Variants in PPARG observed in about 807,000 individuals in gnomAD.
The protein encoded by PPARG is peroxisome proliferator-activated receptor gamma.
A neutral mutation model predicts 39.2 loss-of-function variants in PPARG; 17 were observed. That is an observed-to-expected ratio of 0.43 (90% CI 0.30 to 0.65). PPARG has a LOEUF of 0.65. Ranked by LOEUF, PPARG falls within the 30% of genes least tolerant of loss-of-function variation. The probability of loss-of-function intolerance (pLI) is 0.13; values close to 1 mark genes in which losing one functional copy is unlikely to be tolerated. For missense variants in PPARG, 406 were observed against 585.9 expected (o/e 0.69, Z 3.17); for synonymous variants, 223 against 215.7 (o/e 1.03, Z -0.30).
intron 1 of PPARG, among the ~76,000 whole-genome samples, chr3:12,308,087 G>A (rs987135075): frequency 2.6e-5 from 4 of 152,060 alleles, no homozygotes; most frequent in South Asian, 2.1e-4. Context: ...ATAGGAGGCC[G>A]TGCACAGTGA....
chr3:12,388,561 A>C (rs1473782630), intron 4 of PPARG, among the ~76,000 whole-genome samples: 2 of 152,220 alleles, frequency 1.3e-5, no homozygotes, highest in Non-Finnish European at 2.9e-5. Context: ...TGGCTACTGA[A>C]TTCCTAATTC....
At chr3:12,355,277 A>G (rs921524705) in intron 2 of PPARG, among the ~76,000 whole-genome samples, 1 of 152,052 alleles carries the variant, frequency 6.6e-6, no homozygotes, top group Admixed American at 6.6e-5. Flanking sequence ...CTGGGACTAC[A>G]GGCGTACCTT....
rs746616834 is a variant in PPARG at position 12,381,410 on chromosome 3, C to T, written c.309C>T (p.Ser103=). Residue 103 remains serine (S), a synonymous_variant, in exon 4 of 8, where the codon TCC becomes TCT. Transcript: ENST00000651735. ...AGCCTCATGAAGAGCCTTCCAACTC[C>T]CTCATGGCAATTGAATGTCGTGTCT... The part of the protein sequence containing the change: ...YNKPHEEPSN[S]LMAIECRVCG... The T allele has an allele frequency of 6.2e-7, 1 of 1,613,482 alleles. No homozygotes were observed. The highest frequency in any genetic ancestry group is 8.5e-7 in the Non-Finnish European group (1 of 1,179,764).
At chr3:12,370,517 T>C (rs2049173372) in intron 2 of PPARG, among the ~76,000 whole-genome samples, 1 of 152,204 alleles carries the variant, frequency 6.6e-6, no homozygotes, top group Non-Finnish European at 1.5e-5. Flanking sequence ...ATGCAGAGGA[T>C]GATAACTATA....
chr3:12,370,081 A>G (rs2049154861), intron 2 of PPARG, among the ~76,000 whole-genome samples: 1 of 152,094 alleles, frequency 6.6e-6, no homozygotes, highest in Non-Finnish European at 1.5e-5. Flanking sequence ...TCTGGGAAAG[A>G]GTACGTGGGA....
chr3:12,377,227 C>T (rs1263280502), intron 2 of PPARG, among the ~76,000 whole-genome samples: 2 of 152,120 alleles, frequency 1.3e-5, no homozygotes, highest in Non-Finnish European at 2.9e-5. Context: ...ACTTGCTATT[C>T]TGTGGCCTTA....
chr3:12,335,740 C>T (rs1440880173), intron 2 of PPARG, among the ~76,000 whole-genome samples: 1 of 152,142 alleles, frequency 6.6e-6, no homozygotes, highest in African/African-American at 2.4e-5. Flanking sequence ...AAAGAAAATT[C>T]ACCCCACCAC....
chr3:12,306,666 T>G (rs1188924046), intron 1 of PPARG, among the ~76,000 whole-genome samples: 2 of 152,228 alleles, frequency 1.3e-5, no homozygotes, highest in Non-Finnish European at 2.9e-5. Context: ...ATTTAAACTT[T>G]TAGTTGTGTT....
chr3:12,396,107 T>C (rs1575110358), intron 5 of PPARG, among the ~76,000 whole-genome samples: 1 of 152,260 alleles, frequency 6.6e-6, no homozygotes, highest in Admixed American at 6.5e-5. Context: ...TTTAAAAATA[T>C]GTCTTCTTTA....
rs191673017 is a variant in PPARG, at chr3:12,382,245, G to A, written c.390+754G>A. On this transcript the variant is annotated intron_variant, in intron 4 of 7. Transcript: ENST00000651735. Reference sequence around the variant, plus strand: ...GGAGGTATAACAGTGTGGGAAAGGAGATACTATTTATCCTCATCTCTTTCC... The same window carrying A: ...GGAGGTATAACAGTGTGGGAAAGGAAATACTATTTATCCTCATCTCTTTCC... Among the ~76,000 whole-genome samples, 8 of 152,218 alleles carry A rather than the reference G, an allele frequency of 5.3e-5. No individual in the cohort carries two copies. The East Asian group carries it at 1.5e-3, about 29-fold the overall frequency.
At chr3:12,412,027 A>T (rs899950342) in intron 6 of PPARG, among the ~76,000 whole-genome samples, 3 of 152,208 alleles carry the variant, frequency 2.0e-5, no homozygotes, top group Admixed American at 6.5e-5. Flanking sequence ...GGGTTACCTC[A>T]AGTGATTGTT....
rs987938646 is a variant in PPARG, at chr3:12,419,248, G to A, written c.1180+2094G>A. ...GCATGAGCCACCATGCCCGGCCGAC[G>A]TTATGTTTAATAGAACAAAAATATA... is the stretch of plus-strand genomic sequence containing the variant. On this transcript the variant is annotated intron_variant, in intron 7 of 7. Coordinates refer to ENST00000651735, the MANE Select transcript of PPARG (RefSeq NM_138711.6). Among the ~76,000 whole-genome samples the A allele has an allele frequency of 3.3e-5, 5 of 151,848 alleles. No individual in the cohort carries two copies. The East Asian group carries it at 5.8e-4, about 18-fold the overall frequency.
intron 2 of PPARG, among the ~76,000 whole-genome samples, chr3:12,318,029 A>C (rs1288960413): frequency 1.3e-5 from 2 of 152,140 alleles, no homozygotes; most frequent in African/African-American, 2.4e-5. Flanking sequence ...GCTGGAGTGC[A>C]GTGGTGCAAT....
intron 2 of PPARG, among the ~76,000 whole-genome samples, chr3:12,367,079 C>A (rs1318230327): frequency 6.6e-6 from 1 of 152,024 alleles, no homozygotes; most frequent in African/African-American, 2.4e-5. Flanking sequence ...TAAATGTAGG[C>A]CTATTCCATT....
intron 2 of PPARG, among the ~76,000 whole-genome samples, chr3:12,344,295 T>C (rs1443158061): frequency 6.6e-6 from 1 of 152,194 alleles, no homozygotes; most frequent in African/African-American, 2.4e-5. Flanking sequence ...TCAAGTCTTC[T>C]TACTTTTACT....
At chr3:12,397,689 C>T (rs1486903379) in intron 5 of PPARG, among the ~76,000 whole-genome samples, 1 of 152,134 alleles carries the variant, frequency 6.6e-6, no homozygotes, top group African/African-American at 2.4e-5. Context: ...GGATTACAGG[C>T]GTGAGCCACC....
In PPARG at chr3:12,416,972, A is replaced by G. The variant is rs377025335; in HGVS notation, c.998A>G (p.Asn333Ser). ...TACACAATGCTGGCCTCCTTGATGA[A>G]TAAAGATGGGGTTCTCATATCCGAG... ...IIYTMLASLM[N>S]KDGVLISEGQ... Residue 333 changes from asparagine (N) to serine (S), a missense_variant, in exon 7 of 8, where the codon AAT becomes AGT. Asn to Ser is a conservative substitution (Grantham distance 46, BLOSUM62 1). Around this residue, in one of 2 missense-constraint regions of PPARG, gnomAD observed 275 missense variants for 458.0 expected, o/e 0.60. Coordinates refer to ENST00000651735, the MANE Select transcript of PPARG (RefSeq NM_138711.6). 1 of 1,613,998 alleles carries G rather than the reference A, an allele frequency of 6.2e-7. No individual in the cohort carries two copies. Among genetic ancestry groups the G allele is most frequent in the Non-Finnish European group, 8.5e-7 (1 of 1,180,020 alleles).
chr3:12,394,688 GA>G (rs1379592474), intron 5 of PPARG, among the ~76,000 whole-genome samples: 1 of 152,172 alleles, frequency 6.6e-6, no homozygotes, highest in Non-Finnish European at 1.5e-5. Flanking sequence ...GTTTTTATGG[GA>G]GTTTGTTTGC....
Position 12,417,094 on chromosome 3 carries a change from G to A in PPARG, c.1120G>A (p.Ala374Thr), listed in dbSNP as rs773968047. ...PKFEFAVKFN[A>T]LELDDSDLAI... ...GTTTGAGTTTGCTGTGAAGTTCAAT[G>A]CACTGGAATTAGATGACAGCGACTT... is the stretch of plus-strand genomic sequence containing the variant. Residue 374 changes from alanine (A) to threonine (T), a missense_variant, in exon 7 of 8, where the codon GCA becomes ACA. Physicochemically the swap from Ala to Thr is moderately conservative, Grantham distance 58 (BLOSUM62 0). Transcript: ENST00000651735. The A allele has an allele frequency of 6.2e-7, 1 of 1,614,004 alleles. No individual in the cohort carries two copies. The highest frequency in any genetic ancestry group is 8.5e-7 in the Non-Finnish European group (1 of 1,179,996).
Sources: allele counts gnomAD v4.1 joint callset (sites outside exome capture counted in the v4.1 genomes callset), GRCh38; gene constraint gnomAD v4.1.1; regional missense constraint gnomAD v4.1.1; transcripts MANE v1.5; gene names NCBI Gene and HGNC (gene_info 2026-07-23, HGNC 2026-07-21).